TRIM40: variants seen among roughly 807,000 people sequenced by gnomAD.
The protein encoded by TRIM40 is E3 ubiquitin ligase TRIM40.
In TRIM40, 27 loss-of-function variants were observed where a neutral mutation model predicts 26.1. That is an observed-to-expected ratio of 1.04 (90% CI 0.76 to 1.43). The LOEUF (loss-of-function observed/expected upper bound fraction) is 1.43. TRIM40 is among the 40% of genes most tolerant of loss of function. TRIM40 has a pLI of 0.00. For missense variants in TRIM40, 289 were observed against 307.9 expected (o/e 0.94, Z 0.46); for synonymous variants, 114 against 120.0 (o/e 0.95, Z 0.33).
Position 30,147,923 on chromosome 6 carries a change from C to T in TRIM40, c.*111C>T, listed in dbSNP as rs548464842. The T allele has an allele frequency of 6.1e-5, 51 of 839,404 alleles. No homozygotes were observed. The African/African-American group carries it at 7.9e-4, about 13-fold the overall frequency. 52.0% of individuals were successfully genotyped at this position (839,404 alleles called of 1,614,324 possible). On this transcript the variant is annotated 3_prime_UTR_variant, in exon 6 of 6. Transcript: ENST00000396581. ...TCTACCCAGTGCATCTTCGGGCCTG[C>T]CAGCTCCTGAACATGTCACCATTTC...
At position 30,148,317 on chromosome 6, in the gene TRIM40, G is replaced by A. The variant is rs143788531; in HGVS notation, c.*505G>A. ...CCTCCCTTCATGATCCTCACCTCTT[G>A]GAATTCATGCCCTTGTTTGGTCCCC... is the stretch of plus-strand genomic sequence containing the variant. On this transcript the variant is annotated 3_prime_UTR_variant, in exon 6 of 6. Coordinates refer to ENST00000396581, the MANE Select transcript of TRIM40 (RefSeq NM_001286633.2). 147 of 171,892 alleles carry A rather than the reference G, an allele frequency of 8.6e-4. 1 individual carries two copies. The East Asian group carries it at 0.022, about 26-fold the overall frequency. The allele number at this position is 171,892 out of a possible 1,614,324, so 10.6% of individuals were successfully genotyped here.
chr6:30,145,131 G>C (rs1419765172), intron 2 of TRIM40, among the ~76,000 whole-genome samples: 3 of 151,660 alleles, frequency 2.0e-5, no homozygotes, highest in Non-Finnish European at 4.4e-5. Context: ...TCTCAGGCTG[G>C]AAAGAACTTT....
chr6:30,140,043 T>C (rs1304942638), intron 2 of TRIM40, among the ~76,000 whole-genome samples: 1 of 152,212 alleles, frequency 6.6e-6, no homozygotes, highest in Non-Finnish European at 1.5e-5. Context: ...CCAGTTAGAA[T>C]GGCAATCATT....
chr6:30,145,667 G>A (rs1405282748), intron 2 of TRIM40, among the ~76,000 whole-genome samples: 3 of 152,220 alleles, frequency 2.0e-5, no homozygotes, highest in African/African-American at 7.2e-5. Context: ...ATAGTAAGAA[G>A]TGCTAGAAGA....
At chr6:30,142,938 T>A (rs1358608216) in intron 2 of TRIM40, among the ~76,000 whole-genome samples, 1 of 152,156 alleles carries the variant, frequency 6.6e-6, no homozygotes, top group Admixed American at 6.5e-5. Flanking sequence ...TATTTTTAAA[T>A]CTAGCAGCAT....
chr6:30,147,181 C>T lies in TRIM40; in HGVS notation c.638C>T (p.Ala213Val). Residue 213 changes from alanine (A) to valine (V), a missense_variant, in exon 4 of 6, where the codon GCC becomes GTC. Coordinates refer to ENST00000396581, the MANE Select transcript of TRIM40 (RefSeq NM_001286633.2). ...CTGGTCATTGATCTGGAAAGGACGG[C>T]CAAGGAATTAGACACCAACACACTG... Reference protein sequence around the residue: ...RSLVIDLERTAKELDTNTLKN... With the variant: ...RSLVIDLERTVKELDTNTLKN... The T allele has an allele frequency of 6.2e-7, 1 of 1,614,168 alleles. No homozygotes were observed. Among genetic ancestry groups the T allele is most frequent in the East Asian group, 2.2e-5 (1 of 44,884 alleles).
At chr6:30,139,417 C>T (rs1342664564) in intron 2 of TRIM40, among the ~76,000 whole-genome samples, 1 of 145,810 alleles carries the variant, frequency 6.9e-6, no homozygotes, top group Non-Finnish European at 1.5e-5. Context: ...GATCTCGGCT[C>T]ACTGCAACCT....
chr6:30,147,772 G>C lies in TRIM40; in HGVS notation c.737G>C (p.Gly246Ala). ...LEVIYPQLEK[G>A]VSELLLQPPQ... The stretch of plus-strand genomic sequence containing the variant: ...GTTATTTATCCCCAGTTGGAGAAAG[G>C]AGTCAGTGAATTGCTTCTTCAGCCC... The change falls in exon 6 of 6, where the codon GGA becomes GCA. Residue 246 changes from glycine to alanine, a missense_variant. By Grantham distance (60) the Gly-to-Ala change is moderately conservative. Transcript: ENST00000396581. 6.2e-7 allele frequency: 1 copy of C among 1,614,180 alleles called. No individual in the cohort carries two copies. Among genetic ancestry groups the C allele is most frequent in the Non-Finnish European group, 8.5e-7 (1 of 1,180,014 alleles).
At chr6:30,144,408 A>G (rs1771527648) in intron 2 of TRIM40, among the ~76,000 whole-genome samples, 4 of 152,218 alleles carry the variant, frequency 2.6e-5, no homozygotes, top group Non-Finnish European at 1.5e-5. Context: ...AGTAGGCAGC[A>G]CTTAGCTCTC....
intron 2 of TRIM40, among the ~76,000 whole-genome samples, chr6:30,142,603 A>T (rs1227453024): frequency 6.6e-6 from 1 of 152,108 alleles, no homozygotes; most frequent in African/African-American, 2.4e-5. Flanking sequence ...TCTTTTTTAT[A>T]ATATAATCTC....
At chr6:30,142,459 T>A (rs1771401989) in intron 2 of TRIM40, among the ~76,000 whole-genome samples, 1 of 152,236 alleles carries the variant, frequency 6.6e-6, no homozygotes, top group Admixed American at 6.5e-5. Context: ...CATGATTGCA[T>A]CAAAATAGTT....
rs1210724037 is a variant in TRIM40, at chr6:30,148,486, C to G, written c.*674C>G. ...ACCCTTTTAGAGCCCCTCCTAGGAGCCAAGAGCAGCTTCCAGCCAACAACA... is the reference window on the plus strand; with the variant it reads ...ACCCTTTTAGAGCCCCTCCTAGGAGGCAAGAGCAGCTTCCAGCCAACAACA... On this transcript the variant is annotated 3_prime_UTR_variant, in exon 6 of 6. Coordinates refer to ENST00000396581, the MANE Select transcript of TRIM40 (RefSeq NM_001286633.2). 2 of 152,272 alleles carry G rather than the reference C, an allele frequency of 1.3e-5. No individual in the cohort carries two copies. The highest frequency in any genetic ancestry group is 4.8e-5 in the African/African-American group (2 of 41,434). The allele number at this position is 152,272 out of a possible 1,614,324, so 9.4% of individuals were successfully genotyped here. A position where few individuals can be genotyped will look rare whatever the true frequency, so the allele number is the denominator to read the frequency against.
At chr6:30,146,943 G>A in intron 3 of TRIM40, 42 bp from the exon 4 acceptor site, 3 of 1,532,832 alleles carry the variant, frequency 2.0e-6, no homozygotes, top group Non-Finnish European at 1.8e-6. Context: ...GGCCAGGAGG[G>A]AGCCACCTGA....
chr6:30,137,434 C>T, intron 2 of TRIM40, 53 bp downstream of exon 2: 1 of 1,481,010 alleles, frequency 6.8e-7, no homozygotes, highest in Non-Finnish European at 9.3e-7. Flanking sequence ...TGAGGTGCTG[C>T]ATCCTACATG....
chr6:30,136,814 C>T lies in TRIM40; in HGVS notation c.-223C>T, dbSNP rs1398992226. 1 of 560,886 alleles carries T rather than the reference C, an allele frequency of 1.8e-6. No homozygotes were observed. The highest frequency in any genetic ancestry group is 3.2e-5 in the Admixed American group (1 of 31,502). 34.7% of individuals were successfully genotyped at this position (560,886 alleles called of 1,614,324 possible). On this transcript the variant is annotated 5_prime_UTR_variant, in exon 2 of 6. Transcript: ENST00000396581. ...CAAAGCTGATGAGCTATTTCTGAAA[C>T]TCGTGCAGAATTGTGGTTTGTGTGG...
Position 30,136,850 on chromosome 6 carries a change from G to A in TRIM40, c.-187G>A, listed in dbSNP as rs954264360. The A allele has an allele frequency of 1.5e-5, 9 of 604,786 alleles. No homozygotes were observed. The highest frequency in any genetic ancestry group is 4.4e-4 in the Middle Eastern group (1 of 2,298). The allele number at this position is 604,786 out of a possible 1,614,324, so 37.5% of individuals were successfully genotyped here. On this transcript the variant is annotated 5_prime_UTR_variant, in exon 2 of 6. Coordinates refer to ENST00000396581, the MANE Select transcript of TRIM40 (RefSeq NM_001286633.2). Reference sequence around the variant, plus strand: ...TTGTGGTTTGTGTGGTCTATGTCACGGCACCCTTGAGGGAGAGTGGGCAAT... The same window carrying A: ...TTGTGGTTTGTGTGGTCTATGTCACAGCACCCTTGAGGGAGAGTGGGCAAT...
chr6:30,139,198 A>G (rs9261476), intron 2 of TRIM40, among the ~76,000 whole-genome samples: 1 of 152,116 alleles, frequency 6.6e-6, no homozygotes, highest in South Asian at 2.1e-4. Flanking sequence ...TTAAGTAAAA[A>G]CTTAGTAAGT....
chr6:30,148,035 G>A lies in TRIM40; in HGVS notation c.*223G>A, dbSNP rs934122300. ...CTTCCAGGACAGGCTCATGCTTGGG[G>A]CTGCCACTGTGGAGGTCGGGGCCCA... On this transcript the variant is annotated 3_prime_UTR_variant, in exon 6 of 6. Transcript: ENST00000396581. 1.2e-5 allele frequency: 7 copies of A among 590,552 alleles called. No individual in the cohort carries two copies. Among genetic ancestry groups the A allele is most frequent in the South Asian group, 2.1e-5 (1 of 47,016 alleles). 36.6% of individuals were successfully genotyped at this position (590,552 alleles called of 1,614,324 possible). A position where few individuals can be genotyped will look rare whatever the true frequency, so the allele number is the denominator to read the frequency against.
chr6:30,137,256 C>A lies in TRIM40; in HGVS notation c.220C>A (p.His74Asn). 1 of 1,613,098 alleles carries A rather than the reference C, an allele frequency of 6.2e-7. No individual in the cohort carries two copies. The highest frequency in any genetic ancestry group is 8.5e-7 in the Non-Finnish European group (1 of 1,180,030). ...VLGTGYICPNHQKRVCRFCEE... is the reference protein window; with the variant it reads ...VLGTGYICPNNQKRVCRFCEE... ...AGGGACAGGCTATATCTGCCCCAAC[C>A]ACCAGAAGAGGGTGTGCAGGTTCTG... The change falls in exon 2 of 6, where the codon CAC (histidine) becomes AAC (asparagine). Residue 74 changes from histidine (H) to asparagine (N), a missense_variant. His to Asn is a moderately conservative substitution (Grantham distance 68). Transcript: ENST00000396581.
Sources: allele counts gnomAD v4.1 joint callset (sites outside exome capture counted in the v4.1 genomes callset), GRCh38; gene constraint gnomAD v4.1.1; transcripts MANE v1.5; gene names NCBI Gene and HGNC (gene_info 2026-07-23, HGNC 2026-07-21).